ZFHX3: variants seen among roughly 807,000 people sequenced by gnomAD.
The protein encoded by ZFHX3 is zinc finger homeobox 3.
Under a neutral mutation model 279.1 loss-of-function variants are expected in ZFHX3, and 42 were observed. The observed-to-expected ratio is 0.15, with a 90% confidence interval of 0.12 to 0.19. The LOEUF is 0.19. Among genes scored for constraint, ZFHX3 ranks in the 10% least tolerant of loss-of-function variants. ZFHX3 has a pLI of 1.00. For synonymous variants in ZFHX3, 2,293 were observed against 1,957.8 expected, an observed-to-expected ratio of 1.17 and a Z score of -4.52; for missense variants, 4,981 against 4,754.0, an observed-to-expected ratio of 1.05 and a Z score of -1.40.
intron 1 of ZFHX3, among the ~76,000 whole-genome samples, chr16:73,865,984 C>G (rs1011306720): frequency 2.0e-5 from 3 of 151,886 alleles, no homozygotes; most frequent in African/African-American, 7.3e-5. Context: ...GACTCCGTCT[C>G]AAACAAAACA....
chr16:73,880,461 A>G (rs1485693966), intron 1 of ZFHX3, among the ~76,000 whole-genome samples: 1 of 152,194 alleles, frequency 6.6e-6, no homozygotes, highest in Non-Finnish European at 1.5e-5. Flanking sequence ...TGCAACTTCA[A>G]TGTGGAGCTT....
chr16:73,602,793 A>G (rs1340998522), intron 2 of ZFHX3, among the ~76,000 whole-genome samples: 1 of 151,644 alleles, frequency 6.6e-6, no homozygotes, highest in East Asian at 1.9e-4. Flanking sequence ...AAAAAAATAC[A>G]AAAATTAGCC....
intron 2 of ZFHX3, among the ~76,000 whole-genome samples, chr16:73,537,300 A>T (rs1362691876): frequency 7.3e-6 from 1 of 137,410 alleles, no homozygotes; most frequent in African/African-American, 2.7e-5. Flanking sequence ...ATCTAAAGTC[A>T]CTTCTTTCTT....
chr16:73,367,201 C>T (rs2016545084), intron 3 of ZFHX3, among the ~76,000 whole-genome samples: 1 of 152,062 alleles, frequency 6.6e-6, no homozygotes, highest in African/African-American at 2.4e-5. Context: ...AATCGCCACC[C>T]AATGCATGGT....
Position 73,474,653 on chromosome 16 carries a change from C to T in ZFHX3, c.-1546-18395G>A, listed in dbSNP as rs138041026. 3.6e-3 allele frequency among the ~76,000 whole-genome samples: 545 copies of T among 152,240 alleles called. 2 individuals are homozygous for T. The highest frequency in any genetic ancestry group is 6.0e-3 in the Non-Finnish European group (408 of 68,024). Reference sequence around the variant, plus strand: ...TAGTCCCCTCTTACAAGCAGATGCTCCTCTGGGTCCCCTCCAGGTCTCCAT... The same window carrying T: ...TAGTCCCCTCTTACAAGCAGATGCTTCTCTGGGTCCCCTCCAGGTCTCCAT... On this transcript the variant is annotated intron_variant, in intron 2 of 17. Coordinates refer to the ZFHX3 transcript ENST00000641206.
chr16:73,417,328 T>C (rs975287190), intron 3 of ZFHX3, among the ~76,000 whole-genome samples: 5 of 151,158 alleles, frequency 3.3e-5, no homozygotes, highest in African/African-American at 1.2e-4. Context: ...ACCGGTGAAA[T>C]CCAAATACAA....
At chr16:73,769,492 C>T (rs755703114) in intron 1 of ZFHX3, among the ~76,000 whole-genome samples, 16 of 152,100 alleles carry the variant, frequency 1.1e-4, no homozygotes, top group Non-Finnish European at 1.6e-4. Context: ...ACCATGCTAC[C>T]ATTCTTATAC....
intron 3 of ZFHX3, among the ~76,000 whole-genome samples, chr16:73,433,953 C>T (rs2017953248): frequency 6.6e-6 from 1 of 152,168 alleles, no homozygotes; most frequent in Admixed American, 6.5e-5. Context: ...CTTCAGACCC[C>T]ACAGGTGGCT....
At chr16:73,405,861 T>C (rs1345676043) in intron 3 of ZFHX3, among the ~76,000 whole-genome samples, 1 of 152,222 alleles carries the variant, frequency 6.6e-6, no homozygotes, top group Non-Finnish European at 1.5e-5. Flanking sequence ...TATGTTCATT[T>C]GGAATCTTCT....
chr16:73,260,073 T>A (rs1417470865), intron 4 of ZFHX3, among the ~76,000 whole-genome samples: 1 of 152,220 alleles, frequency 6.6e-6, no homozygotes, highest in Non-Finnish European at 1.5e-5. Flanking sequence ...CATGGAATAA[T>A]TCTTTAGTCC....
chr16:72,786,998 AT>A lies in ZFHX3; in HGVS notation c.*165del. 1 of 563,686 alleles carries A rather than the reference AT, an allele frequency of 1.8e-6. No individual in the cohort carries two copies. Among genetic ancestry groups the A allele is most frequent in the Non-Finnish European group, 2.6e-6 (1 of 388,664 alleles). The allele number at this position is 563,686 out of a possible 1,614,324, so 34.9% of individuals were successfully genotyped here. A position where few individuals can be genotyped will look rare whatever the true frequency, so the allele number is the denominator to read the frequency against. ...CAAGAATGTAAAATCACCGGCATAGATAGGTATATGGGAAAACAACCCACGC... is the reference window on the plus strand; with the variant it reads ...CAAGAATGTAAAATCACCGGCATAGAAGGTATATGGGAAAACAACCCACGC... On this transcript the variant is annotated 3_prime_UTR_variant, in exon 10 of 10. Coordinates refer to ENST00000268489, the MANE Select transcript of ZFHX3 (RefSeq NM_006885.4).
intron 4 of ZFHX3, among the ~76,000 whole-genome samples, chr16:73,301,663 AAG>A (rs1241889672): frequency 6.6e-6 from 1 of 152,198 alleles, no homozygotes; most frequent in Non-Finnish European, 1.5e-5. Flanking sequence ...GATACCAAGA[AAG>A]AGAGAAAGAT....
chr16:73,457,561 C>A (rs1267581074), intron 2 of ZFHX3, among the ~76,000 whole-genome samples: 1 of 152,062 alleles, frequency 6.6e-6, no homozygotes, highest in Non-Finnish European at 1.5e-5. Flanking sequence ...TCACTTGAGG[C>A]CAGGAGTTCA....
At chr16:73,341,577 A>G (rs1055233617) in intron 3 of ZFHX3, among the ~76,000 whole-genome samples, 1 of 152,184 alleles carries the variant, frequency 6.6e-6, no homozygotes, top group East Asian at 1.9e-4. Flanking sequence ...AGATGTACAC[A>G]CCCAGGAGAA....
At chr16:73,133,669 G>T (rs934638520) in intron 6 of ZFHX3, among the ~76,000 whole-genome samples, 2 of 152,162 alleles carry the variant, frequency 1.3e-5, no homozygotes, top group African/African-American at 4.8e-5. Context: ...CTTCTGGCCT[G>T]CAGAATTATG....
At chr16:73,082,483 A>G (rs975354292) in intron 8 of ZFHX3, among the ~76,000 whole-genome samples, 2 of 151,562 alleles carry the variant, frequency 1.3e-5, no homozygotes, top group African/African-American at 4.8e-5. Flanking sequence ...GTTAGCCAGG[A>G]TGGTCTCGAT....
Position 72,877,012 on chromosome 16 carries a change from G to A in ZFHX3, c.3448+12719C>T, listed in dbSNP as rs536541597. 6.8e-4 allele frequency among the ~76,000 whole-genome samples: 104 copies of A among 152,184 alleles called. 1 individual carries two copies. The highest frequency in any genetic ancestry group is 1.4e-3 in the Non-Finnish European group (92 of 68,050). On this transcript the variant is annotated intron_variant, in intron 4 of 9. Transcript: ENST00000268489. ...ATTTCCCAATTAGCCCTGTAATAAT[G>A]CCTTACAGGAATGACTGGATGCCCT...
chr16:73,810,122 A>G (rs1960387432), intron 1 of ZFHX3, among the ~76,000 whole-genome samples: 1 of 152,174 alleles, frequency 6.6e-6, no homozygotes, highest in African/African-American at 2.4e-5. Context: ...TTTATTTTCC[A>G]GGTTGCCCTA....
At chr16:73,117,211 C>A (rs1966443103) in intron 7 of ZFHX3, among the ~76,000 whole-genome samples, 4 of 151,746 alleles carry the variant, frequency 2.6e-5, no homozygotes. Context: ...TTCCTTCTTC[C>A]CTCCTTCCCT....
Sources: allele counts gnomAD v4.1 joint callset (sites outside exome capture counted in the v4.1 genomes callset), GRCh38; gene constraint gnomAD v4.1.1; transcripts MANE v1.5; gene names NCBI Gene and HGNC (gene_info 2026-07-23, HGNC 2026-07-21).